SLC14A2: variants seen among roughly 807,000 people sequenced by gnomAD.
The protein encoded by SLC14A2 is urea transporter 2.
A neutral mutation model predicts 104.6 loss-of-function variants in SLC14A2; 91 were observed. The ratio of observed to expected loss-of-function variants is 0.87; its 90% CI spans 0.73 to 1.04. The LOEUF is 1.04. Ranked by LOEUF, SLC14A2 falls within the 50% of genes least tolerant of loss-of-function variation. SLC14A2 has a pLI of 0.00. For missense variants in SLC14A2, 1,189 were observed against 1,156.0 expected (o/e 1.03, Z -0.41); for synonymous variants, 476 against 466.4 (o/e 1.02, Z -0.27).
intron 1 of SLC14A2, among the ~76,000 whole-genome samples, chr18:45,620,424 T>A (rs2045146582): frequency 6.6e-6 from 1 of 152,218 alleles, no homozygotes; most frequent in Admixed American, 6.5e-5. Context: ...CCTATTTTGC[T>A]TTTCAAGGAC....
At chr18:45,524,282 C>T (rs2043559733) in intron 2 of SLC14A2, among the ~76,000 whole-genome samples, 1 of 152,244 alleles carries the variant, frequency 6.6e-6, no homozygotes, top group South Asian at 2.1e-4. Context: ...GTGCCCTCAA[C>T]ACCTCAACAA....
chr18:45,238,395 C>A lies in SLC14A2; in HGVS notation c.-125+25204C>A, dbSNP rs143292048. Among the ~76,000 whole-genome samples the A allele has an allele frequency of 2.6e-3, 400 of 152,294 alleles. 3 individuals carry two copies. Among genetic ancestry groups the A allele is most frequent in the African/African-American group, 9.2e-3 (383 of 41,560 alleles). On this transcript the variant is annotated intron_variant, in intron 1 of 20. Transcript: ENST00000586448. The stretch of plus-strand genomic sequence containing the variant: ...GAGAGAGCGGTTAGAGTGTAGAAAG[C>A]AAGATCCAAAAGGTAAGATGGCAGC...
At chr18:45,551,769 G>T (rs1407277156) in intron 2 of SLC14A2, among the ~76,000 whole-genome samples, 1 of 152,168 alleles carries the variant, frequency 6.6e-6, no homozygotes, top group Non-Finnish European at 1.5e-5. Context: ...TACAAATGTT[G>T]ATACACTGGC....
At chr18:45,184,785 T>A in the SLC14A2 span, among the ~76,000 whole-genome samples, 2 of 152,222 alleles carry the variant, frequency 1.3e-5, no homozygotes, top group Non-Finnish European at 2.9e-5. Context: ...TTTCACAACA[T>A]CTGAATCCAG....
chr18:45,276,143 T>G (rs949281331), intron 1 of SLC14A2, among the ~76,000 whole-genome samples: 1 of 152,158 alleles, frequency 6.6e-6, no homozygotes, highest in Non-Finnish European at 1.5e-5. Flanking sequence ...GCAGAGAGTA[T>G]AGGTAAATGT....
chr18:45,582,717 C>A (rs1033614652), intron 2 of SLC14A2, among the ~76,000 whole-genome samples: 5 of 152,176 alleles, frequency 3.3e-5, no homozygotes, highest in African/African-American at 1.2e-4. Context: ...TGCAATGTCA[C>A]TATCTGTGAC....
At chr18:45,401,282 A>T (rs1300220460) in intron 1 of SLC14A2, among the ~76,000 whole-genome samples, 2 of 152,174 alleles carry the variant, frequency 1.3e-5, no homozygotes, top group Non-Finnish European at 2.9e-5. Flanking sequence ...TGTTATGAAT[A>T]TTTTCATATA....
chr18:45,582,885 C>CCACCA (rs2044515565), intron 2 of SLC14A2, among the ~76,000 whole-genome samples: 1 of 152,212 alleles, frequency 6.6e-6, no homozygotes, highest in Non-Finnish European at 1.5e-5. Context: ...GCCTGCCCAA[C>CCACCA]CACCACTCAT....
intron 2 of SLC14A2, among the ~76,000 whole-genome samples, chr18:45,498,110 A>G (rs1463752101): frequency 6.6e-6 from 1 of 152,212 alleles, no homozygotes; most frequent in African/African-American, 2.4e-5. Flanking sequence ...TCCAAGGACC[A>G]GAAAAAAAAA....
intron 2 of SLC14A2, among the ~76,000 whole-genome samples, chr18:45,510,862 C>A (rs2043356871): frequency 6.6e-6 from 1 of 152,224 alleles, no homozygotes; most frequent in African/African-American, 2.4e-5. Context: ...TCTTCCCCAC[C>A]AGCCAATGCT....
intron 1 of SLC14A2, among the ~76,000 whole-genome samples, chr18:45,481,648 G>T (rs2087495263): frequency 6.6e-6 from 1 of 152,040 alleles, no homozygotes; most frequent in Non-Finnish European, 1.5e-5. Flanking sequence ...AATTTAAAAA[G>T]TTGAATTTAT....
intron 1 of SLC14A2, among the ~76,000 whole-genome samples, chr18:45,326,417 T>A (rs138945493): frequency 4.6e-5 from 7 of 152,072 alleles, no homozygotes; most frequent in Non-Finnish European, 5.9e-5. Flanking sequence ...AATCATATTA[T>A]CAATATCTAA....
intron 2 of SLC14A2, among the ~76,000 whole-genome samples, chr18:45,594,606 G>C (rs2044696572): frequency 6.6e-6 from 1 of 152,146 alleles, no homozygotes; most frequent in South Asian, 2.1e-4. Flanking sequence ...GACCCAGGCA[G>C]AGTGGGCACA....
intron 1 of SLC14A2, among the ~76,000 whole-genome samples, chr18:45,474,302 C>T (rs2144676328): frequency 1.3e-5 from 2 of 152,250 alleles, no homozygotes; most frequent in Non-Finnish European, 2.9e-5. Flanking sequence ...AGGATTTTTG[C>T]ATCAATGTTC....
intron 1 of SLC14A2, among the ~76,000 whole-genome samples, chr18:45,420,071 G>A (rs2086325272): frequency 6.6e-6 from 1 of 152,152 alleles, no homozygotes; most frequent in South Asian, 2.1e-4. Context: ...TTCTGGCTTG[G>A]GATCTCTCAT....
intron 10 of SLC14A2, among the ~76,000 whole-genome samples, chr18:45,662,714 C>A (rs1476896841): frequency 6.6e-6 from 1 of 152,076 alleles, no homozygotes; most frequent in African/African-American, 2.4e-5. Flanking sequence ...CTGAAAAGGC[C>A]AAATGAGTCA....
intron 1 of SLC14A2, among the ~76,000 whole-genome samples, chr18:45,480,022 C>G (rs2087462439): frequency 6.6e-6 from 1 of 152,164 alleles, no homozygotes; most frequent in African/African-American, 2.4e-5. Flanking sequence ...GTAAGTAGGG[C>G]TAGCAGAGTC....
upstream of SLC14A2, among the ~76,000 whole-genome samples, chr18:45,611,268 C>T (rs1387206411): frequency 6.6e-6 from 1 of 152,228 alleles, no homozygotes; most frequent in Non-Finnish European, 1.5e-5. Context: ...CTGATGGTAT[C>T]TGTCCCGATT....
At chr18:45,577,347 C>T (rs994185594) in intron 2 of SLC14A2, among the ~76,000 whole-genome samples, 3 of 152,110 alleles carry the variant, frequency 2.0e-5, no homozygotes, top group African/African-American at 7.2e-5. Flanking sequence ...TATGAGCTAG[C>T]TTCAAAGTCA....
Sources: gnomAD v4.1 joint callset for allele counts (sites outside exome capture counted in the v4.1 genomes callset) on GRCh38, gnomAD v4.1.1 for gene constraint, MANE v1.5 for transcripts, NCBI Gene and HGNC (gene_info 2026-07-23, HGNC 2026-07-21) for gene names.